SEPTIN5: variants seen among roughly 807,000 people sequenced by gnomAD.
SEPTIN5 encodes the protein septin-5.
Under a neutral mutation model 51.2 loss-of-function variants are expected in SEPTIN5, and 16 were observed. The observed-to-expected ratio is 0.31, with a 90% CI of 0.21 to 0.47. The LOEUF is 0.47. Ranked by LOEUF, SEPTIN5 falls within the 20% of genes least tolerant of loss-of-function variation. The pLI, the probability that SEPTIN5 is intolerant of heterozygous loss-of-function variation, is 0.99. For missense variants in SEPTIN5, 376 were observed against 500.3 expected, an observed-to-expected ratio of 0.75 and a Z score of 2.37; for synonymous variants, 208 against 191.2, an observed-to-expected ratio of 1.09 and a Z score of -0.72.
At position 19,714,561 on chromosome 22, in the gene SEPTIN5, C is replaced by T. The variant is rs1935886001; in HGVS notation, c.-28C>T. On this transcript the variant is annotated 5_prime_UTR_variant, in exon 1 of 12. Coordinates refer to ENST00000455784, the MANE Select transcript of SEPTIN5 (RefSeq NM_002688.6). The surrounding 1 kb of genome is among the most constrained non-coding windows in gnomAD (Gnocchi z 5.2). ...TCGTCGCGCCCCGCCCGCGAGCCCG[C>T]CCCGCACGTCCCCCGCCGGCGGCCA... 3.6e-6 allele frequency: 5 copies of T among 1,389,408 alleles called. No individual in the cohort carries two copies. Among genetic ancestry groups the T allele is most frequent in the Non-Finnish European group, 4.7e-6 (5 of 1,072,760 alleles). The allele number at this position is 1,389,408 out of a possible 1,614,324, so 86.1% of individuals were successfully genotyped here. A position where few individuals can be genotyped will look rare whatever the true frequency, so the allele number is the denominator to read the frequency against.
rs750971334 is a variant in SEPTIN5 at position 19,720,439 on chromosome 22, C to G, written c.482C>G (p.Ser161Cys). 1 of 1,613,880 alleles carries G rather than the reference C, an allele frequency of 6.2e-7. No individual in the cohort carries two copies. The highest frequency in any genetic ancestry group is 1.7e-5 in the Admixed American group (1 of 60,028). Residue 161 changes from serine to cysteine, a missense_variant, in exon 6 of 12, where the codon TCC becomes TGC. Transcript: ENST00000455784. Reference protein sequence around the residue: ...NRVHCCLYFISPFGHGLRPVD... With the variant: ...NRVHCCLYFICPFGHGLRPVD... ...GTGCACTGCTGCCTATACTTCATCT[C>G]CCCCTTCGGGCATGGGTGTGTGGCT... is the stretch of plus-strand genomic sequence containing the variant.
chr22:19,720,047 G>C, intron 4 of SEPTIN5, 68 bp from the exon 5 acceptor site: 2 of 1,609,884 alleles, frequency 1.2e-6, no homozygotes, highest in Non-Finnish European at 1.7e-6. Context: ...ATGAGGACGA[G>C]GGTCCTGGCT....
chr22:19,714,848 G>A lies in SEPTIN5; in HGVS notation c.54+57G>A. 1 of 1,571,430 alleles carries A rather than the reference G, an allele frequency of 6.4e-7. No individual in the cohort carries two copies. The highest frequency in any genetic ancestry group is 8.6e-7 in the Non-Finnish European group (1 of 1,164,934). Reference sequence around the variant, plus strand: ...GACCCGGCCGGCTGTCACCCATTGTGACACTAGCGCCTTGGGCGCCCAGGC... The same window carrying A: ...GACCCGGCCGGCTGTCACCCATTGTAACACTAGCGCCTTGGGCGCCCAGGC... On this transcript the variant is annotated intron_variant, in intron 2 of 11. Transcript: ENST00000455784. This position sits in a 1 kb window ranked among gnomAD's most constrained non-coding sequence, Gnocchi z 5.2.
chr22:19,716,980 A>G (rs1315400463), intron 2 of SEPTIN5, among the ~76,000 whole-genome samples: 1 of 152,172 alleles, frequency 6.6e-6, no homozygotes, highest in African/African-American at 2.4e-5. Flanking sequence ...TTCTGGCAGC[A>G]AGGACTGAGG....
rs897575884 is a variant in SEPTIN5, at chr22:19,719,788, C to T, written c.152-18C>T. ...AGCCCCAGACCTAACGCAGCTCCTT[C>T]TCTGTACCTGTGTGCAGGTGAGTCA... On this transcript the variant is annotated intron_variant, in intron 3 of 11. Coordinates refer to ENST00000455784, the MANE Select transcript of SEPTIN5 (RefSeq NM_002688.6). 4 of 1,612,642 alleles carry T rather than the reference C, an allele frequency of 2.5e-6. No homozygotes were observed. The African/African-American group carries it at 5.3e-5, about 22-fold the overall frequency.
chr22:19,722,711 C>T lies in SEPTIN5; in HGVS notation c.*227C>T. The T allele has an allele frequency of 1.7e-6, 1 of 584,426 alleles. No homozygotes were observed. The highest frequency in any genetic ancestry group is 3.0e-6 in the Non-Finnish European group (1 of 329,734). The allele number at this position is 584,426 out of a possible 1,614,324, so 36.2% of individuals were successfully genotyped here. A position where few individuals can be genotyped will look rare whatever the true frequency, so the allele number is the denominator to read the frequency against. ...TTGGGGGATCAGGAGCGAAGTTGGG[C>T]GGGACTTCAGAGATCCGCCTCCCTT... On this transcript the variant is annotated 3_prime_UTR_variant, in exon 12 of 12. Coordinates refer to ENST00000455784, the MANE Select transcript of SEPTIN5 (RefSeq NM_002688.6).
intron 2 of SEPTIN5, chr22:19,718,870 G>T: frequency 8.1e-7 from 1 of 1,229,426 alleles, no homozygotes; most frequent in South Asian, 4.1e-5. Flanking sequence ...CGGGCTCCGG[G>T]ACTCGGCATG....
intron 8 of SEPTIN5, 59 bp downstream of exon 8, chr22:19,720,928 G>A (rs1936018391): frequency 6.9e-7 from 1 of 1,457,142 alleles, no homozygotes; most frequent in Non-Finnish European, 9.6e-7. Flanking sequence ...AGAACCAGAG[G>A]GCTTTGTCTC....
rs1936015807 is a variant in SEPTIN5 at position 19,720,858 on chromosome 22, C to T, written c.706C>T (p.Arg236Trp). The T allele has an allele frequency of 7.4e-6, 12 of 1,613,402 alleles. 1 individual carries two copies. Among genetic ancestry groups the T allele is most frequent in the East Asian group, 2.2e-5 (1 of 44,896 alleles). The change falls in exon 8 of 12, where the codon CGG becomes TGG. Residue 236 changes from arginine (R) to tryptophan (W), a missense_variant. By Grantham distance (101) the Arg-to-Trp change is moderately radical. Transcript: ENST00000455784. ...GGATGAGGACTTCAAGCAGCAGGAC[C>T]GGGAACTGAAGGTGAACATGCAGAC... ...DEDEDFKQQD[R>W]ELKESAPFAV... is the part of the protein sequence containing the mutation.
intron 8 of SEPTIN5, among the ~76,000 whole-genome samples, chr22:19,721,097 T>G (rs1021859941): frequency 2.6e-5 from 4 of 152,186 alleles, no homozygotes; most frequent in African/African-American, 9.6e-5. Context: ...GGGCCCCGTG[T>G]GGTGCTTGGC....
chr22:19,717,901 C>A (rs984007908), intron 2 of SEPTIN5: 14 of 160,124 alleles, frequency 8.7e-5, no homozygotes, highest in African/African-American at 2.9e-4. Flanking sequence ...CACACACCCG[C>A]ACGGACGCGC....
intron 8 of SEPTIN5, 29 bp from the exon 9 acceptor site, chr22:19,721,611 G>C: frequency 3.7e-6 from 6 of 1,609,176 alleles, no homozygotes; most frequent in Non-Finnish European, 5.1e-6. Context: ...CGCTCACCGG[G>C]TGTGAGCCTT....
rs764585316 is a variant in SEPTIN5, at chr22:19,722,302, C to T, written c.1016C>T (p.Ala339Val). 3 of 1,611,364 alleles carry T rather than the reference C, an allele frequency of 1.9e-6. No individual in the cohort carries two copies. Among genetic ancestry groups the T allele is most frequent in the Non-Finnish European group, 2.5e-6 (3 of 1,179,402 alleles). ...ATCCTGCCGCTGCCCACCCCGGACGCCGAGACTGAGAAGCTTATCAGGATG... is the reference window on the plus strand; with the variant it reads ...ATCCTGCCGCTGCCCACCCCGGACGTCGAGACTGAGAAGCTTATCAGGATG... The part of the protein sequence containing the change: ...IPILPLPTPD[A>V]ETEKLIRMKD... The change falls in exon 11 of 12, where the codon GCC becomes GTC. Residue 339 changes from alanine (A) to valine (V), a missense_variant. Physicochemically the swap from Ala to Val is moderately conservative, Grantham distance 64. This residue lies in a region of SEPTIN5 where 89 missense variants were observed against 83.3 expected (regional missense o/e 1.07). Coordinates refer to ENST00000455784, the MANE Select transcript of SEPTIN5 (RefSeq NM_002688.6).
intron 2 of SEPTIN5, chr22:19,718,512 G>C: frequency 1.6e-6 from 2 of 1,263,942 alleles, no homozygotes; most frequent in Non-Finnish European, 2.0e-6. Context: ...CACAGCTTGG[G>C]GCCAGTTCGC....
At chr22:19,718,945 C>A in intron 2 of SEPTIN5, 1 of 1,003,888 alleles carries the variant, frequency 1.0e-6, no homozygotes, top group Non-Finnish European at 1.3e-6. Flanking sequence ...TCCGCAGCGG[C>A]CTCGCAGGTC....
intron 2 of SEPTIN5, chr22:19,717,133 A>G: frequency 3.2e-6 from 1 of 317,178 alleles, no homozygotes. Context: ...CTGGACAGGA[A>G]GTGGAGGAGG....
At chr22:19,718,340 T>G in intron 2 of SEPTIN5, 3 of 951,602 alleles carry the variant, frequency 3.2e-6, no homozygotes, top group East Asian at 9.7e-5. Context: ...CGCAGCCGCT[T>G]TCGGGTGGCT....
intron 2 of SEPTIN5, chr22:19,718,858 C>A (rs1325223647): frequency 1.6e-6 from 2 of 1,231,728 alleles, no homozygotes; most frequent in Non-Finnish European, 2.0e-6. Context: ...TCTGTGACCC[C>A]GCGGGCTCCG....
Position 19,721,937 on chromosome 22 carries a change from C to G in SEPTIN5, c.930C>G (p.His310Gln), listed in dbSNP as rs199766538. The change falls in exon 10 of 12, where the codon CAC becomes CAG. Residue 310 changes from histidine to glutamine, a missense_variant. By Grantham distance (24) the His-to-Gln change is conservative. Coordinates refer to ENST00000455784, the MANE Select transcript of SEPTIN5 (RefSeq NM_002688.6). ...CDVHYENYRA[H>Q]CIQQMTSKLT... ...TGCACTACGAGAACTACCGCGCGCA[C>G]TGCATCCAGCAGATGACCAGGTGCG... is the stretch of plus-strand genomic sequence containing the variant. The G allele has an allele frequency of 1.4e-5, 23 of 1,609,794 alleles. No individual in the cohort carries two copies. In the African/African-American group the frequency reaches 1.9e-4, roughly 13 times the overall value.
Sources: allele counts gnomAD v4.1 joint callset (sites outside exome capture counted in the v4.1 genomes callset), GRCh38; gene constraint gnomAD v4.1.1; regional missense constraint gnomAD v4.1.1; non-coding constraint Gnocchi (gnomAD v3.1); transcripts MANE v1.5; gene names NCBI Gene and HGNC (gene_info 2026-07-23, HGNC 2026-07-21).